HSPB2: variants seen among roughly 807,000 people sequenced by gnomAD.
HSPB2 encodes heat shock protein beta-2.
HSPB2 carries 14 observed loss-of-function variants against 14.1 expected under a neutral mutation model. The ratio of observed to expected loss-of-function variants is 0.99; its 90% CI spans 0.66 to 1.55. The LOEUF is 1.55. Among genes scored for constraint, HSPB2 ranks in the 40% most tolerant of loss-of-function variants. HSPB2 has a pLI of 0.00. For missense variants in HSPB2, 242 were observed against 241.7 expected, an observed-to-expected ratio of 1.00 and a Z score of -0.01; for synonymous variants, 110 against 103.4, an observed-to-expected ratio of 1.06 and a Z score of -0.39.
At position 111,913,902 on chromosome 11, in the gene HSPB2, C is replaced by T; in HGVS notation, c.*7C>T. The T allele has an allele frequency of 1.3e-6, 2 of 1,596,312 alleles. No individual in the cohort carries two copies. The highest frequency in any genetic ancestry group is 1.7e-6 in the Non-Finnish European group (2 of 1,171,284). Reference sequence around the variant, plus strand: ...AGCCATAGTTGAGCCCTGATTGCCACAGACCCAGCACCCAGCAAATCCCTC... The same window carrying T: ...AGCCATAGTTGAGCCCTGATTGCCATAGACCCAGCACCCAGCAAATCCCTC... On this transcript the variant is annotated 3_prime_UTR_variant, in exon 2 of 2. Coordinates refer to ENST00000304298, the MANE Select transcript of HSPB2 (RefSeq NM_001541.4).
chr11:111,913,805 G>A lies in HSPB2; in HGVS notation c.459G>A (p.Leu153=). The A allele has an allele frequency of 6.2e-7, 1 of 1,614,178 alleles. No homozygotes were observed. The highest frequency in any genetic ancestry group is 1.1e-5 in the South Asian group (1 of 91,090). The change falls in exon 2 of 2, where the codon TTG becomes TTA. Residue 153 remains leucine, a synonymous_variant. Coordinates refer to ENST00000304298, the MANE Select transcript of HSPB2 (RefSeq NM_001541.4). ...NLEAPRGGRH[L]DTEVNEVYIS... ...AAGCACCTCGGGGTGGCCGACATTT[G>A]GACACAGAGGTCAATGAGGTCTACA...
At position 111,912,858 on chromosome 11, in the gene HSPB2, A is replaced by G; in HGVS notation, c.29A>G (p.His10Arg). The G allele has an allele frequency of 1.7e-5, 27 of 1,606,746 alleles. No homozygotes were observed. The highest frequency in any genetic ancestry group is 2.3e-5 in the Non-Finnish European group (27 of 1,178,196). ...TCGGGCCGCTCAGTGCCACATGCCC[A>G]CCCGGCCACCGCCGAGTACGAATTT... is the stretch of plus-strand genomic sequence containing the variant. MSGRSVPHAHPATAEYEFAN... is the reference protein window; with the variant it reads MSGRSVPHARPATAEYEFAN... The change falls in exon 1 of 2, where the codon CAC becomes CGC. Residue 10 changes from histidine (H) to arginine (R), a missense_variant. His to Arg is a conservative substitution (Grantham distance 29, BLOSUM62 0). Coordinates refer to ENST00000304298, the MANE Select transcript of HSPB2 (RefSeq NM_001541.4).
At chr11:111,913,355 A>G (rs1555165834) in intron 1 of HSPB2, 86 bp from the exon 2 acceptor site, 4 of 1,047,908 alleles carry the variant, frequency 3.8e-6, no homozygotes, top group Non-Finnish European at 5.7e-6. Context: ...GCTCTTCCCA[A>G]TCCCTCCTCT....
At chr11:111,913,373 T>C (rs111836778) in intron 1 of HSPB2, 68 bp from the exon 2 acceptor site, 95 of 1,237,088 alleles carry the variant, frequency 7.7e-5, no homozygotes, top group Non-Finnish European at 1.1e-4. Context: ...TCTCCAGATT[T>C]CCCATTTCGC....
Position 111,912,840 on chromosome 11 carries a change from G to C in HSPB2, c.11G>C (p.Arg4Pro). 1 of 1,603,498 alleles carries C rather than the reference G, an allele frequency of 6.2e-7. No homozygotes were observed. The highest frequency in any genetic ancestry group is 8.5e-7 in the Non-Finnish European group (1 of 1,176,654). MSG[R>P]SVPHAHPATA... ...GCTGCATCTGCAGCCATGTCGGGCC[G>C]CTCAGTGCCACATGCCCACCCGGCC... Residue 4 changes from arginine to proline, a missense_variant, in exon 1 of 2, where the codon CGC (arginine) becomes CCC (proline). Physicochemically the swap from Arg to Pro is moderately radical, Grantham distance 103. Coordinates refer to ENST00000304298, the MANE Select transcript of HSPB2 (RefSeq NM_001541.4).
At chr11:111,913,402 C>A in intron 1 of HSPB2, 39 bp from the exon 2 acceptor site, 1 of 1,504,984 alleles carries the variant, frequency 6.6e-7, no homozygotes, top group Non-Finnish European at 9.1e-7. Context: ...CAGCCTCATC[C>A]TCCCTCATCC....
chr11:111,913,625 G>T lies in HSPB2; in HGVS notation c.279G>T (p.Val93=). Residue 93 remains valine (V), a synonymous_variant, in exon 2 of 2, where the codon GTG becomes GTT. Coordinates refer to ENST00000304298, the MANE Select transcript of HSPB2 (RefSeq NM_001541.4). ...CAGACGAGGTGACTGTGAGGACTGT[G>T]GATAACCTGCTGGAGGTGTCTGCCC... ...FTPDEVTVRT[V]DNLLEVSARH... is the part of the protein sequence containing the mutation. 1.2e-6 allele frequency: 2 copies of T among 1,614,200 alleles called. No individual in the cohort carries two copies. The highest frequency in any genetic ancestry group is 1.7e-6 in the Non-Finnish European group (2 of 1,180,038).
rs754003263 is a variant in HSPB2 at position 111,913,508 on chromosome 11, CCCAGCTGGGGA to C, written c.163_173del (p.Pro55GlyfsTer10). ...GCTACTATGTCCGGCCTCGGGCCGC[CCCAGCTGGGGA>C]GGGCAGCAGGGCAGGGGCCTCCGAG... is the stretch of plus-strand genomic sequence containing the variant. On this transcript the variant is annotated frameshift_variant, in exon 2 of 2. Transcript: ENST00000304298. LOFTEE classifies it high-confidence loss of function. 6.2e-7 allele frequency: 1 copy of C among 1,614,002 alleles called. No homozygotes were observed. Among genetic ancestry groups the C allele is most frequent in the Non-Finnish European group, 8.5e-7 (1 of 1,180,036 alleles).
chr11:111,913,299 C>T, intron 1 of HSPB2, 142 bp from the exon 2 acceptor site: 1 of 684,692 alleles, frequency 1.5e-6, no homozygotes, highest in African/African-American at 1.8e-5. Flanking sequence ...CTCCTAGCTA[C>T]AGTGTGGCCT....
Position 111,912,866 on chromosome 11 carries a change from A to C in HSPB2, c.37A>C (p.Thr13Pro), listed in dbSNP as rs1555165759. 3 of 1,608,434 alleles carry C rather than the reference A, an allele frequency of 1.9e-6. No homozygotes were observed. The highest frequency in any genetic ancestry group is 2.5e-6 in the Non-Finnish European group (3 of 1,178,750). ...CTCAGTGCCACATGCCCACCCGGCCACCGCCGAGTACGAATTTGCCAACCC... is the reference window on the plus strand; with the variant it reads ...CTCAGTGCCACATGCCCACCCGGCCCCCGCCGAGTACGAATTTGCCAACCC... ...GRSVPHAHPA[T>P]AEYEFANPSR... The change falls in exon 1 of 2, where the codon ACC becomes CCC. Residue 13 changes from threonine to proline, a missense_variant. Transcript: ENST00000304298.
rs4252590 is a variant in HSPB2 at position 111,914,092 on chromosome 11, G to A, written c.*197G>A. 10,421 of 596,328 alleles carry A rather than the reference G, an allele frequency of 0.017. 145 individuals carry two copies. The highest frequency in any genetic ancestry group is 0.019 in the Admixed American group (622 of 32,450). The allele number at this position is 596,328 out of a possible 1,614,324, so 36.9% of individuals were successfully genotyped here. A position where few individuals can be genotyped will look rare whatever the true frequency, so the allele number is the denominator to read the frequency against. Reference sequence around the variant, plus strand: ...GAGCTGAATAAACCCAAATCTCAGGGCCTTGTTTGTACTGCTCCCTATTCT... The same window carrying A: ...GAGCTGAATAAACCCAAATCTCAGGACCTTGTTTGTACTGCTCCCTATTCT... On this transcript the variant is annotated 3_prime_UTR_variant, in exon 2 of 2. Transcript: ENST00000304298.
Position 111,912,769 on chromosome 11 carries a change from G to A in HSPB2, c.-61G>A. 1.5e-6 allele frequency: 2 copies of A among 1,355,830 alleles called. No homozygotes were observed. The highest frequency in any genetic ancestry group is 1.2e-5 in the South Asian group (1 of 80,012). 84.0% of individuals were successfully genotyped at this position (1,355,830 alleles called of 1,614,324 possible). A position where few individuals can be genotyped will look rare whatever the true frequency, so the allele number is the denominator to read the frequency against. On this transcript the variant is annotated 5_prime_UTR_variant, in exon 1 of 2. Coordinates refer to ENST00000304298, the MANE Select transcript of HSPB2 (RefSeq NM_001541.4). ...GCCCTGGCTCTCCGGGCAGCTGGAG[G>A]GGTCGCGCTGCGCCTGTTGGGGCTG...
rs1965554487 is a variant in HSPB2, at chr11:111,913,923, C to A, written c.*28C>A. 1.3e-6 allele frequency: 2 copies of A among 1,561,956 alleles called. No homozygotes were observed. The highest frequency in any genetic ancestry group is 1.7e-6 in the Non-Finnish European group (2 of 1,152,256). ...GCCACAGACCCAGCACCCAGCAAAT[C>A]CCTCTCTACCTCCCAAGGTGATATG... On this transcript the variant is annotated 3_prime_UTR_variant, in exon 2 of 2. Transcript: ENST00000304298.
Position 111,912,793 on chromosome 11 carries a change from T to C in HSPB2, c.-37T>C. The C allele has an allele frequency of 2.0e-6, 3 of 1,524,726 alleles. No homozygotes were observed. The highest frequency in any genetic ancestry group is 2.7e-6 in the Non-Finnish European group (3 of 1,120,448). 94.4% of individuals were successfully genotyped at this position (1,524,726 alleles called of 1,614,324 possible). On this transcript the variant is annotated 5_prime_UTR_variant, in exon 1 of 2. Transcript: ENST00000304298. ...GGGGTCGCGCTGCGCCTGTTGGGGC[T>C]GCACCTCGGACCAGGGCTTCTGCTG...
rs782242246 is a variant in HSPB2, at chr11:111,913,708, A to G, written c.362A>G (p.Tyr121Cys). 5 of 1,613,936 alleles carry G rather than the reference A, an allele frequency of 3.1e-6. No individual in the cohort carries two copies. Among genetic ancestry groups the G allele is most frequent in the East Asian group, 2.2e-5 (1 of 44,858 alleles). ...GTGTCCCGAGAGTTCTGCCGCACCT[A>G]TGTCCTGCCTGCTGATGTCGACCCC... ...GFVSREFCRT[Y>C]VLPADVDPWR... The change falls in exon 2 of 2, where the codon TAT becomes TGT. Residue 121 changes from tyrosine to cysteine, a missense_variant. Tyr to Cys is a radical substitution (Grantham distance 194). Coordinates refer to ENST00000304298, the MANE Select transcript of HSPB2 (RefSeq NM_001541.4).
intron 1 of HSPB2, 95 bp from the exon 2 acceptor site, chr11:111,913,346 C>A: frequency 2.1e-6 from 2 of 971,318 alleles, no homozygotes. Flanking sequence ...TCCCCTCTTG[C>A]TCTTCCCAAT....
Position 111,913,490 on chromosome 11 carries a change from T to C in HSPB2, c.144T>C (p.Tyr48=), listed in dbSNP as rs1335025061. 1.2e-6 allele frequency: 2 copies of C among 1,613,188 alleles called. No homozygotes were observed. Among genetic ancestry groups the C allele is most frequent in the African/African-American group, 1.3e-5 (1 of 74,924 alleles). The change falls in exon 2 of 2, where the codon TAT becomes TAC. Residue 48 remains tyrosine (Y), a synonymous_variant. Coordinates refer to ENST00000304298, the MANE Select transcript of HSPB2 (RefSeq NM_001541.4). ...CCCCCACACTCTACCATGGCTACTA[T>C]GTCCGGCCTCGGGCCGCCCCAGCTG... is the stretch of plus-strand genomic sequence containing the variant. ...ILTPTLYHGY[Y]VRPRAAPAGE... is the part of the protein sequence containing the mutation.
Position 111,912,742 on chromosome 11 carries a change from G to C in HSPB2, c.-88G>C. The C allele has an allele frequency of 4.9e-6, 4 of 810,022 alleles. No individual in the cohort carries two copies. The highest frequency in any genetic ancestry group is 4.4e-4 in the Middle Eastern group (1 of 2,258). The allele number at this position is 810,022 out of a possible 1,614,324, so 50.2% of individuals were successfully genotyped here. A position where few individuals can be genotyped will look rare whatever the true frequency, so the allele number is the denominator to read the frequency against. ...GTCGACCCCGCCCCCACCTCCTATCGAGCCCTGGCTCTCCGGGCAGCTGGA... is the reference window on the plus strand; with the variant it reads ...GTCGACCCCGCCCCCACCTCCTATCCAGCCCTGGCTCTCCGGGCAGCTGGA... On this transcript the variant is annotated 5_prime_UTR_variant, in exon 1 of 2. Transcript: ENST00000304298.
At position 111,913,871 on chromosome 11, in the gene HSPB2, G is replaced by A; in HGVS notation, c.525G>A (p.Glu175=). Reference sequence around the variant, plus strand: ...CGCCTCCTGATCCAGAGGAAGAGGAGGAGGCAGCCATAGTTGAGCCCTGAT... The same window carrying A: ...CGCCTCCTGATCCAGAGGAAGAGGAAGAGGCAGCCATAGTTGAGCCCTGAT... ...LPAPPDPEEE[E]EAAIVEP The change falls in exon 2 of 2, where the codon GAG becomes GAA. Residue 175 remains glutamate (E), a synonymous_variant. Coordinates refer to ENST00000304298, the MANE Select transcript of HSPB2 (RefSeq NM_001541.4). 2 of 1,611,348 alleles carry A rather than the reference G, an allele frequency of 1.2e-6. No individual in the cohort carries two copies. The highest frequency in any genetic ancestry group is 2.2e-5 in the East Asian group (1 of 44,864).
Sources: allele counts gnomAD v4.1 joint callset, GRCh38; gene constraint gnomAD v4.1.1; transcripts MANE v1.5; gene names NCBI Gene and HGNC (gene_info 2026-07-23, HGNC 2026-07-21).